RIPOR2: variants seen among roughly 807,000 people sequenced by gnomAD.
RIPOR2 encodes the protein rho family-interacting cell polarization regulator 2.
In RIPOR2, 39 loss-of-function variants were observed where a neutral mutation model predicts 114.5. The ratio of observed to expected loss-of-function variants is 0.34; its 90% confidence interval spans 0.26 to 0.44. The LOEUF (loss-of-function observed/expected upper bound fraction) is 0.44, where lower values mean the gene tolerates loss of function less well. Among genes scored for constraint, RIPOR2 ranks in the 20% least tolerant of loss-of-function variants. RIPOR2 has a pLI of 1.00. For missense variants in RIPOR2, 1,007 were observed against 1,255.1 expected (o/e 0.80, Z 2.99); for synonymous variants, 445 against 484.4 (o/e 0.92, Z 1.07).
rs1453003324 is a variant in RIPOR2, at chr6:24,873,786, T to C, written c.202A>G (p.Ile68Val). Residue 68 changes from isoleucine (I) to valine (V), a missense_variant, in exon 3 of 22, where the codon ATT becomes GTT. By Grantham distance (29) the Ile-to-Val change is conservative. Transcript: ENST00000643898. ...TTCTTGAGAGCGGAGGAATTTTCAA[T>C]GAAGGAGTTACACCTATGGAAAGAA... ...QERRSRCNSFIENSSALKKPQ... is the reference protein window; with the variant it reads ...QERRSRCNSFVENSSALKKPQ... The C allele has an allele frequency of 1.9e-6, 3 of 1,611,708 alleles. No individual in the cohort carries two copies. Among genetic ancestry groups the C allele is most frequent in the East Asian group, 4.5e-5 (2 of 44,876 alleles).
chr6:24,913,389 G>A (rs1769822432), intron 1 of RIPOR2, among the ~76,000 whole-genome samples: 1 of 152,078 alleles, frequency 6.6e-6, no homozygotes, highest in Non-Finnish European at 1.5e-5. Flanking sequence ...GAAGGTGAAG[G>A]GCCAACACAG....
At chr6:25,018,148 G>GA (rs1473655880) in intron 1 of RIPOR2, among the ~76,000 whole-genome samples, 2 of 152,168 alleles carry the variant, frequency 1.3e-5, no homozygotes, top group Admixed American at 1.3e-4. Flanking sequence ...GTTGGGTTTA[G>GA]AAAAGCTGTA....
At chr6:24,935,601 T>C (rs1561791770) in intron 1 of RIPOR2, among the ~76,000 whole-genome samples, 1 of 152,234 alleles carries the variant, frequency 6.6e-6, no homozygotes, top group African/African-American at 2.4e-5. Context: ...ACCTTTATTT[T>C]AGTCATGACT....
intron 15 of RIPOR2, 121 bp from the exon 16 acceptor site, chr6:24,832,512 T>C: frequency 1.2e-6 from 1 of 840,612 alleles, no homozygotes; most frequent in Non-Finnish European, 1.8e-6. Flanking sequence ...ATGTTTTTCT[T>C]CCAGCTCGAT....
intron 1 of RIPOR2, among the ~76,000 whole-genome samples, chr6:25,003,934 C>G (rs546226813): frequency 6.6e-6 from 1 of 152,312 alleles, no homozygotes; most frequent in African/African-American, 2.4e-5. Flanking sequence ...ATTTACCACT[C>G]TTCTTTCATT....
intron 1 of RIPOR2, among the ~76,000 whole-genome samples, chr6:24,996,081 C>T (rs1775034347): frequency 6.6e-6 from 1 of 152,158 alleles, no homozygotes; most frequent in South Asian, 2.1e-4. Context: ...GGATTATAGG[C>T]GTGAGCCACC....
At chr6:24,971,570 G>A (rs1321621147) in intron 1 of RIPOR2, among the ~76,000 whole-genome samples, 2 of 152,176 alleles carry the variant, frequency 1.3e-5, no homozygotes, top group Non-Finnish European at 2.9e-5. Flanking sequence ...TCCTATGCGT[G>A]GTTAATAGAA....
intron 1 of RIPOR2, among the ~76,000 whole-genome samples, chr6:24,935,320 CAAAA>C (rs976245217): frequency 1.8e-4 from 4 of 21,842 alleles, no homozygotes; most frequent in Admixed American, 5.7e-4. Flanking sequence ...AAAACAACAA[CAAAA>C]AAAAAAAAAA....
intron 1 of RIPOR2, among the ~76,000 whole-genome samples, chr6:25,014,625 A>G (rs182952553): frequency 8.7e-4 from 132 of 152,348 alleles, no homozygotes; most frequent in African/African-American, 3.0e-3. Flanking sequence ...AAATTAAACA[A>G]TGTGTGTTTC....
At chr6:24,935,806 CG>C in intron 1 of RIPOR2, 31 bp downstream of exon 1, 1 of 1,495,012 alleles carries the variant, frequency 6.7e-7, no homozygotes, top group East Asian at 2.5e-5. Flanking sequence ...CAAAGCAGAC[CG>C]GAGAGCCTCC....
At chr6:25,019,776 A>G (rs1466961477) in intron 1 of RIPOR2, among the ~76,000 whole-genome samples, 7 of 61,962 alleles carry the variant, frequency 1.1e-4, no homozygotes, top group Non-Finnish European at 2.5e-4. Context: ...CTCTGTCTCA[A>G]AAAAAAAAAA....
chr6:24,963,581 A>G (rs73382387), intron 1 of RIPOR2, among the ~76,000 whole-genome samples: 16,257 of 152,228 alleles, frequency 0.11, 1,780 homozygotes, highest in African/African-American at 0.27. Context: ...ACCAATATGT[A>G]CATATTAATA....
At chr6:24,877,889 T>G (rs1034810529) in intron 1 of RIPOR2, among the ~76,000 whole-genome samples, 22 of 151,768 alleles carry the variant, frequency 1.4e-4, no homozygotes, top group Non-Finnish European at 3.2e-4. Context: ...GCCACAGTGG[T>G]GGGGTGGGTA....
At chr6:24,965,621 C>G (rs956592300) in intron 1 of RIPOR2, among the ~76,000 whole-genome samples, 1 of 151,970 alleles carries the variant, frequency 6.6e-6, no homozygotes. Context: ...TTACATGATG[C>G]CTGAAGTCTT....
intron 4 of RIPOR2, among the ~76,000 whole-genome samples, chr6:24,871,477 G>A (rs1305481347): frequency 6.6e-6 from 1 of 152,130 alleles, no homozygotes; most frequent in African/African-American, 2.4e-5. Context: ...TCAGCCTCCT[G>A]AGTAGCTGGG....
At chr6:24,984,372 G>A (rs2113595105) in intron 1 of RIPOR2, among the ~76,000 whole-genome samples, 1 of 152,204 alleles carries the variant, frequency 6.6e-6, no homozygotes, top group East Asian at 1.9e-4. Context: ...ATCTCACAAA[G>A]TACATTCTCC....
At chr6:24,911,439 T>C (rs1358053094) in intron 1 of RIPOR2, among the ~76,000 whole-genome samples, 2 of 149,634 alleles carry the variant, frequency 1.3e-5, no homozygotes, top group African/African-American at 5.0e-5. Context: ...TCATACAAGC[T>C]GGGCTGTGCA....
chr6:24,996,604 A>G (rs1293023262), intron 1 of RIPOR2, among the ~76,000 whole-genome samples: 1 of 152,076 alleles, frequency 6.6e-6, no homozygotes, highest in Non-Finnish European at 1.5e-5. Context: ...AGCTAGTCCA[A>G]CTGTGTCCAA....
intron 14 of RIPOR2, among the ~76,000 whole-genome samples, chr6:24,836,235 CT>C (rs1761095672): frequency 1.3e-5 from 2 of 152,272 alleles, no homozygotes; most frequent in South Asian, 4.1e-4. Context: ...TTAAATTGTC[CT>C]CTATATTTGT....
Sources: allele counts gnomAD v4.1 joint callset (sites outside exome capture counted in the v4.1 genomes callset), GRCh38; gene constraint gnomAD v4.1.1; transcripts MANE v1.5; gene names NCBI Gene and HGNC (gene_info 2026-07-23, HGNC 2026-07-21).